ANXA4: variants seen among roughly 807,000 people sequenced by gnomAD.
The protein encoded by ANXA4 is 35-beta calcimedin.
A neutral mutation model predicts 49.8 loss-of-function variants in ANXA4; 39 were observed. The observed-to-expected ratio is 0.78, with a 90% CI of 0.61 to 1.02. ANXA4 has a LOEUF of 1.02. ANXA4 is among the 50% of genes least tolerant of loss of function. The pLI is 0.00. For missense variants in ANXA4, 360 were observed against 410.1 expected, an observed-to-expected ratio of 0.88 and a Z score of 1.05; for synonymous variants, 134 against 152.5, an observed-to-expected ratio of 0.88 and a Z score of 0.89.
At chr2:69,710,353 A>T (rs769307277) in intron 2 of ANXA4, among the ~76,000 whole-genome samples, 6 of 152,350 alleles carry the variant, frequency 3.9e-5, no homozygotes, top group Non-Finnish European at 8.8e-5. Flanking sequence ...AAATTATATT[A>T]AAAGTAGATT....
chr2:69,723,276 CAG>C lies in ANXA4; in HGVS notation n.864+2406_864+2407del. ...AAAACAAAGAAACAATAAGCTGATT[CAG>C]GGGGAGGTAAAAGCTACTAAATAAA... On this transcript the variant is annotated intron_variant and non_coding_transcript_variant, in intron 3 of 3. Transcript: ENST00000418066. Among the ~76,000 whole-genome samples the C allele has an allele frequency of 4.0e-5, 6 of 151,104 alleles. No homozygotes were observed. In the Middle Eastern group the frequency reaches 0.021, roughly 525 times the overall value.
chr2:69,678,064 A>C (rs1035184909), intron 2 of ANXA4, among the ~76,000 whole-genome samples: 3 of 152,182 alleles, frequency 2.0e-5, no homozygotes, highest in African/African-American at 7.2e-5. Flanking sequence ...TGAGAAACCA[A>C]AAAAATTTGT....
At chr2:69,764,915 A>G (rs1671438683) in intron 1 of ANXA4, among the ~76,000 whole-genome samples, 3 of 152,176 alleles carry the variant, frequency 2.0e-5, no homozygotes, top group Non-Finnish European at 4.4e-5. Context: ...CTTTGAGTAC[A>G]TATAAGTGGA....
At chr2:69,684,866 G>A (rs905374924) in intron 2 of ANXA4, among the ~76,000 whole-genome samples, 4 of 152,138 alleles carry the variant, frequency 2.6e-5, no homozygotes, top group African/African-American at 9.7e-5. Flanking sequence ...TAGAGAAAGA[G>A]CATAAACTTT....
intron 1 of ANXA4, among the ~76,000 whole-genome samples, chr2:69,751,291 A>G (rs1363464706): frequency 6.6e-6 from 1 of 152,082 alleles, no homozygotes; most frequent in Non-Finnish European, 1.5e-5. Flanking sequence ...AAGCAGGTGG[A>G]TTGCCTGAGC....
chr2:69,745,415 C>T (rs1460098597), intron 1 of ANXA4, among the ~76,000 whole-genome samples: 6 of 152,344 alleles, frequency 3.9e-5, no homozygotes, highest in South Asian at 4.1e-4. Flanking sequence ...TCCCAAACTT[C>T]AGGGTGCATC....
chr2:69,676,087 TAAAAAGAAGTTTTAA>T (rs1204741274), intron 2 of ANXA4, among the ~76,000 whole-genome samples: 2 of 151,554 alleles, frequency 1.3e-5, no homozygotes, highest in Non-Finnish European at 2.9e-5. Flanking sequence ...TTTGCCACAA[TAAAAAGAAGTTTTAA>T]AAAACTAAAT....
At chr2:69,762,604 T>A (rs904399535) in intron 1 of ANXA4, among the ~76,000 whole-genome samples, 33 of 152,194 alleles carry the variant, frequency 2.2e-4, no homozygotes, top group Non-Finnish European at 8.8e-5. Flanking sequence ...TATGTATTTA[T>A]GTATATTAAA....
chr2:69,676,606 C>A (rs1472426396), intron 2 of ANXA4, among the ~76,000 whole-genome samples: 1 of 151,994 alleles, frequency 6.6e-6, no homozygotes, highest in Non-Finnish European at 1.5e-5. Flanking sequence ...AATTAAAAAC[C>A]ATCTCTGGCC....
At chr2:69,785,912 TG>T (rs761108397) in intron 2 of ANXA4, among the ~76,000 whole-genome samples, 5 of 152,182 alleles carry the variant, frequency 3.3e-5, no homozygotes, top group Non-Finnish European at 5.9e-5. Flanking sequence ...CCTGTACTGT[TG>T]GAGAGACCCA....
intron 2 of ANXA4, among the ~76,000 whole-genome samples, chr2:69,703,788 C>G (rs1269671823): frequency 6.6e-6 from 1 of 152,052 alleles, no homozygotes; most frequent in Non-Finnish European, 1.5e-5. Flanking sequence ...CTATCTAAAT[C>G]TCTGCTAGAA....
intron 9 of ANXA4, 114 bp downstream of exon 9, chr2:69,816,308 C>T (rs1673991140): frequency 1.3e-6 from 1 of 795,374 alleles, no homozygotes; most frequent in Non-Finnish European, 2.1e-6. Flanking sequence ...ACTGATTGTA[C>T]CCAAGTGTCT....
Position 69,708,860 on chromosome 2 carries a change from T to C in ANXA4, n.767-11914T>C, listed in dbSNP as rs192550321. ...GGTGAAACCCTGTCTCTACTAAAAATACAAAAATCAGCCAAGAAGGGTCAC... is the reference window on the plus strand; with the variant it reads ...GGTGAAACCCTGTCTCTACTAAAAACACAAAAATCAGCCAAGAAGGGTCAC... On this transcript the variant is annotated intron_variant and non_coding_transcript_variant, in intron 2 of 3. Coordinates refer to the ANXA4 transcript ENST00000418066. 5.4e-3 allele frequency among the ~76,000 whole-genome samples: 810 copies of C among 151,264 alleles called. 10 individuals are homozygous for C. The highest frequency in any genetic ancestry group is 0.019 in the African/African-American group (765 of 41,164).
intron 1 of ANXA4, among the ~76,000 whole-genome samples, chr2:69,757,555 G>A (rs1435131852): frequency 1.3e-5 from 2 of 150,986 alleles, no homozygotes; most frequent in African/African-American, 2.4e-5. Context: ...TTACAGGTGT[G>A]AGCCACCATG....
At chr2:69,691,573 G>GCA (rs10590162) in intron 2 of ANXA4, among the ~76,000 whole-genome samples, 35 of 149,962 alleles carry the variant, frequency 2.3e-4, no homozygotes, top group African/African-American at 4.4e-4. Flanking sequence ...ACACACACAT[G>GCA]CACACACACA....
intron 2 of ANXA4, among the ~76,000 whole-genome samples, chr2:69,684,685 CAAAA>C (rs199639261): frequency 3.7e-5 from 3 of 80,058 alleles, no homozygotes; most frequent in Non-Finnish European, 5.3e-5. Flanking sequence ...AAGACTGTCT[CAAAA>C]AAAAAAAAAA....
At chr2:69,783,257 G>A (rs746810190) in intron 2 of ANXA4, among the ~76,000 whole-genome samples, 12 of 151,834 alleles carry the variant, frequency 7.9e-5, no homozygotes, top group Non-Finnish European at 1.3e-4. Flanking sequence ...TCAATCTGTT[G>A]CCCAGGCTGG....
At chr2:69,775,254 C>T (rs948051504) in intron 1 of ANXA4, among the ~76,000 whole-genome samples, 37 of 152,208 alleles carry the variant, frequency 2.4e-4, no homozygotes, top group African/African-American at 8.0e-4. Context: ...AGAGCGCAGA[C>T]TCACTGAAAT....
chr2:69,795,734 C>T (rs550747449), intron 3 of ANXA4, among the ~76,000 whole-genome samples: 1 of 152,304 alleles, frequency 6.6e-6, no homozygotes, highest in African/African-American at 2.4e-5. Flanking sequence ...TAAGGGAAGA[C>T]AAAGAGTTTG....
Sources: gnomAD v4.1 joint callset for allele counts (sites outside exome capture counted in the v4.1 genomes callset) on GRCh38, gnomAD v4.1.1 for gene constraint, MANE v1.5 for transcripts, NCBI Gene and HGNC (gene_info 2026-07-23, HGNC 2026-07-21) for gene names.